Variants in SMARCC1 observed in about 807,000 individuals in gnomAD.
The protein encoded by SMARCC1 is SWI/SNF related BAF chromatin remodeling complex subunit C1.
SMARCC1 carries 43 observed loss-of-function variants against 147.4 expected under a neutral mutation model. The ratio of observed to expected loss-of-function variants is 0.29; its 90% confidence interval spans 0.23 to 0.38. The LOEUF (loss-of-function observed/expected upper bound fraction) is 0.38, where lower values mean the gene tolerates loss of function less well. Among genes scored for constraint, SMARCC1 ranks in the 10% least tolerant of loss-of-function variants. The pLI is 1.00. For missense variants in SMARCC1, 1,119 were observed against 1,381.1 expected (o/e 0.81, Z 3.01); for synonymous variants, 495 against 484.4 (o/e 1.02, Z -0.29).
chr3:47,644,069 C>T (rs192534567), intron 21 of SMARCC1, among the ~76,000 whole-genome samples: 2 of 152,154 alleles, frequency 1.3e-5, no homozygotes, highest in African/African-American at 4.8e-5. Flanking sequence ...GTGGTCCTGG[C>T]TACTTGGGAG....
intron 11 of SMARCC1, among the ~76,000 whole-genome samples, chr3:47,695,384 C>T (rs1455022259): frequency 2.6e-5 from 4 of 152,136 alleles, no homozygotes; most frequent in Non-Finnish European, 4.4e-5. Context: ...TAAAACAATG[C>T]TATATTATGC....
intron 2 of SMARCC1, among the ~76,000 whole-genome samples, chr3:47,755,116 C>T (rs1341659457): frequency 3.9e-5 from 6 of 152,020 alleles, no homozygotes; most frequent in Non-Finnish European, 7.4e-5. Flanking sequence ...GAGGCCGAGG[C>T]AGGAAAACTG....
intron 2 of SMARCC1, among the ~76,000 whole-genome samples, chr3:47,768,928 AGCTGGGAGCG>A (rs2034873770): frequency 6.6e-6 from 1 of 152,102 alleles, no homozygotes; most frequent in Admixed American, 6.6e-5. Context: ...TCAGGCAGCT[AGCTGGGAGCG>A]GTGGCTCACA....
chr3:47,610,201 C>A lies in SMARCC1; in HGVS notation c.2908G>T (p.Ala970Ser). The change falls in exon 26 of 28, where the codon GCA becomes TCA. Residue 970 changes from alanine (A) to serine (S), a missense_variant. Physicochemically the swap from Ala to Ser is moderately conservative, Grantham distance 99. Around this residue, in one of 6 missense-constraint regions of SMARCC1, gnomAD observed 186 missense variants for 216.5 expected, o/e 0.86. Coordinates refer to ENST00000254480, the MANE Select transcript of SMARCC1 (RefSeq NM_003074.4). The stretch of plus-strand genomic sequence containing the variant: ...CCAGGTCCTCCTGAGTGCTGGTGTG[C>A]CTGTTGAGGGTTCTGGCCATGCTGC... ...QQQHGQNPQQ[A>S]HQHSGGPGLA... 6.2e-7 allele frequency: 1 copy of A among 1,614,172 alleles called. No homozygotes were observed. The highest frequency in any genetic ancestry group is 8.5e-7 in the Non-Finnish European group (1 of 1,180,040).
At position 47,749,839 on chromosome 3, in the gene SMARCC1, T is replaced by A. The variant is rs369582697; in HGVS notation, c.316-3846A>T. ...GGCTCACGCCTACAATCCGAGCACT[T>A]TGGGAGGCCGAGGCGGGTGGATCAC... On this transcript the variant is annotated intron_variant, in intron 2 of 27. Transcript: ENST00000254480. Among the ~76,000 whole-genome samples, 6 of 149,942 alleles carry A rather than the reference T, an allele frequency of 4.0e-5. 1 individual carries two copies. The highest frequency in any genetic ancestry group is 1.5e-4 in the African/African-American group (6 of 40,760).
chr3:47,717,632 C>T (rs909316640), intron 7 of SMARCC1, among the ~76,000 whole-genome samples: 2 of 152,140 alleles, frequency 1.3e-5, no homozygotes, highest in Non-Finnish European at 2.9e-5. Flanking sequence ...GGCACGGTCT[C>T]AGCTCACTGC....
intron 26 of SMARCC1, among the ~76,000 whole-genome samples, chr3:47,606,523 C>T (rs569195605): frequency 2.0e-5 from 3 of 152,240 alleles, no homozygotes; most frequent in African/African-American, 7.2e-5. Context: ...AGAAAGTAGA[C>T]GCACCTCTCT....
chr3:47,662,904 C>T (rs1419631341), intron 19 of SMARCC1, among the ~76,000 whole-genome samples: 1 of 150,522 alleles, frequency 6.6e-6, no homozygotes, highest in Non-Finnish European at 1.5e-5. Context: ...GGTGAAACCC[C>T]ATCTCTACTA....
chr3:47,656,418 T>C (rs543909537), intron 21 of SMARCC1, among the ~76,000 whole-genome samples: 120 of 152,346 alleles, frequency 7.9e-4, no homozygotes, highest in Middle Eastern at 3.4e-3. Flanking sequence ...TACCTGTTCT[T>C]CTACAGATGA....
Position 47,777,101 on chromosome 3 carries a change from T to A in SMARCC1, c.196-4165A>T, listed in dbSNP as rs192279034. Among the ~76,000 whole-genome samples the A allele has an allele frequency of 9.6e-3, 1,435 of 150,072 alleles. 9 individuals carry two copies. The highest frequency in any genetic ancestry group is 0.016 in the Non-Finnish European group (1,051 of 67,506). ...AGGTAAATATTTATTTTTTTTTTTT[T>A]GAGAGAGTCTTGCTCTGTCACCTAG... On this transcript the variant is annotated intron_variant, in intron 1 of 27. Transcript: ENST00000254480.
rs1029586885 is a variant in SMARCC1, at chr3:47,585,400, C to T, written c.*2809G>A. On this transcript the variant is annotated 3_prime_UTR_variant, in exon 28 of 28. Coordinates refer to ENST00000254480, the MANE Select transcript of SMARCC1 (RefSeq NM_003074.4). ...AGGCACACCTTCGTGAAGAGCAGGG[C>T]GTTCATCTCATGGCAGACACAGAAT... is the stretch of plus-strand genomic sequence containing the variant. The T allele has an allele frequency of 1.3e-5, 2 of 152,180 alleles. No homozygotes were observed. Among genetic ancestry groups the T allele is most frequent in the Admixed American group, 1.3e-4 (2 of 15,282 alleles). 9.4% of individuals were successfully genotyped at this position (152,180 alleles called of 1,614,324 possible). A position where few individuals can be genotyped will look rare whatever the true frequency, so the allele number is the denominator to read the frequency against.
intron 7 of SMARCC1, among the ~76,000 whole-genome samples, chr3:47,716,480 T>C (rs1268705976): frequency 7.3e-6 from 1 of 136,544 alleles, no homozygotes; most frequent in Non-Finnish European, 1.6e-5. Flanking sequence ...GAAATTGAAA[T>C]GTGGGGAGAA....
chr3:47,650,190 G>A (rs753788757), intron 21 of SMARCC1, among the ~76,000 whole-genome samples: 11 of 151,536 alleles, frequency 7.3e-5, no homozygotes, highest in South Asian at 2.1e-4. Flanking sequence ...GCAGGAGAAC[G>A]GCGAGAACCC....
At chr3:47,633,457 C>T (rs540533311) in intron 24 of SMARCC1, among the ~76,000 whole-genome samples, 5 of 151,912 alleles carry the variant, frequency 3.3e-5, no homozygotes, top group East Asian at 1.9e-4. Flanking sequence ...ATTTATAATG[C>T]GAGAGGCCGG....
At chr3:47,603,762 C>A in intron 26 of SMARCC1, 1 of 288,880 alleles carries the variant, frequency 3.5e-6, no homozygotes, top group Non-Finnish European at 6.8e-6. Context: ...ATCAACAAAA[C>A]CTAAAGGTGG....
At chr3:47,706,260 C>T (rs1345862742) in intron 10 of SMARCC1, 149 bp downstream of exon 10, 4 of 596,814 alleles carry the variant, frequency 6.7e-6, no homozygotes, top group African/African-American at 1.9e-5. Flanking sequence ...TTAGTAGAGA[C>T]GAGGTTTCAC....
intron 6 of SMARCC1, among the ~76,000 whole-genome samples, chr3:47,727,322 G>A (rs980657514): frequency 6.6e-6 from 1 of 151,818 alleles, no homozygotes; most frequent in Non-Finnish European, 1.5e-5. Context: ...ACCTGGCCAA[G>A]ACGGTGAAAC....
chr3:47,686,280 C>T (rs969866775), intron 13 of SMARCC1, 110 bp from the exon 14 acceptor site: 13 of 836,478 alleles, frequency 1.6e-5, no homozygotes, highest in South Asian at 5.6e-5. Flanking sequence ...CTCCCCGATT[C>T]GATCAGATAT....
At chr3:47,641,425 A>AAC (rs1479204341) in intron 21 of SMARCC1, among the ~76,000 whole-genome samples, 2 of 152,130 alleles carry the variant, frequency 1.3e-5, no homozygotes, top group African/African-American at 4.8e-5. Flanking sequence ...GTCAAGACTG[A>AAC]AGTGAGCTGA....
Sources: allele counts gnomAD v4.1 joint callset (sites outside exome capture counted in the v4.1 genomes callset), GRCh38; gene constraint gnomAD v4.1.1; regional missense constraint gnomAD v4.1.1; transcripts MANE v1.5; gene names NCBI Gene and HGNC (gene_info 2026-07-23, HGNC 2026-07-21).